SHCBP1L: variants seen among roughly 807,000 people sequenced by gnomAD.
The protein encoded by SHCBP1L is SHC binding and spindle associated 1 like, also known as testicular spindle-associated protein SHCBP1L.
Under a neutral mutation model 62.5 loss-of-function variants are expected in SHCBP1L, and 67 were observed. The observed-to-expected ratio is 1.07, with a 90% confidence interval of 0.88 to 1.31. SHCBP1L has a LOEUF of 1.31. Ranked by LOEUF, SHCBP1L falls within the 40% of genes most tolerant of loss-of-function variation. The probability of loss-of-function intolerance (pLI) is 0.00; values close to 1 mark genes in which losing one functional copy is unlikely to be tolerated. For missense variants in SHCBP1L, 823 were observed against 809.8 expected, an observed-to-expected ratio of 1.02 and a Z score of -0.20; for synonymous variants, 284 against 289.4, an observed-to-expected ratio of 0.98 and a Z score of 0.19.
At chr1:182,919,187 G>A (rs1463259561) in intron 6 of SHCBP1L, among the ~76,000 whole-genome samples, 2 of 152,230 alleles carry the variant, frequency 1.3e-5, no homozygotes, top group Non-Finnish European at 2.9e-5. Context: ...GAATGCTACA[G>A]ACTGTGTAAT....
intron 5 of SHCBP1L, among the ~76,000 whole-genome samples, chr1:182,931,943 ATTTTTTTTTTTT>A (rs1164377476): frequency 8.6e-5 from 6 of 69,678 alleles, no homozygotes; most frequent in Admixed American, 1.7e-4. Context: ...GGAACCACTG[ATTTTTTTTTTTT>A]TTTTTTTTTT....
intron 5 of SHCBP1L, among the ~76,000 whole-genome samples, chr1:182,935,415 C>T (rs1412620329): frequency 6.6e-6 from 1 of 152,014 alleles, no homozygotes; most frequent in African/African-American, 2.4e-5. Context: ...ATTTTTGGTT[C>T]TATTGTCAAT....
chr1:182,902,667 C>T (rs1015137519), intron 9 of SHCBP1L, among the ~76,000 whole-genome samples: 1 of 152,100 alleles, frequency 6.6e-6, no homozygotes, highest in African/African-American at 2.4e-5. Flanking sequence ...TCATTTAACA[C>T]AACTTTGAAA....
chr1:182,900,523 C>G (rs1649799101), intron 9 of SHCBP1L, among the ~76,000 whole-genome samples: 1 of 152,132 alleles, frequency 6.6e-6, no homozygotes, highest in African/African-American at 2.4e-5. Flanking sequence ...ACCTCCGCCT[C>G]CCGGTTCAAG....
rs13373887 is a variant in SHCBP1L, at chr1:182,952,868, G to T, written c.266C>A (p.Ala89Glu). The change falls in exon 1 of 10, where the codon GCG becomes GAG. Residue 89 changes from alanine (A) to glutamate (E), a missense_variant. Ala to Glu is a moderately radical substitution (Grantham distance 107, BLOSUM62 -1). Transcript: ENST00000367547. The part of the protein sequence containing the change: ...EDTGEAAAAA[A>E]EEPLLPVPED... ...AGGCACTGGCAGCAGGGGCTCCTCC[G>T]CCGCCGCCGCCGCCGCCTCTCCCGT... The T allele has an allele frequency of 8.0e-3, 12,436 of 1,552,660 alleles. 587 individuals are homozygous for T. In the African/African-American group the frequency reaches 0.13, roughly 16 times the overall value.
chr1:182,927,661 G>A (rs1650818751), intron 6 of SHCBP1L, among the ~76,000 whole-genome samples: 1 of 122,296 alleles, frequency 8.2e-6, no homozygotes, highest in Non-Finnish European at 1.6e-5. Context: ...GACAGAGCGA[G>A]ACTCCGTCTC....
intron 6 of SHCBP1L, among the ~76,000 whole-genome samples, chr1:182,929,235 T>A: frequency 1.3e-5 from 2 of 152,336 alleles, no homozygotes; most frequent in Middle Eastern, 6.8e-3. Flanking sequence ...GTACCCATTC[T>A]ACATGTACCG....
chr1:182,952,694 T>C (rs750620153), intron 1 of SHCBP1L, 35 bp downstream of exon 1: 1 of 1,556,752 alleles, frequency 6.4e-7, no homozygotes, highest in East Asian at 2.3e-5. Flanking sequence ...CCGACGAGCT[T>C]CCGACCGTAG....
chr1:182,907,635 A>G (rs1159812937), intron 6 of SHCBP1L, among the ~76,000 whole-genome samples: 1 of 151,618 alleles, frequency 6.6e-6, no homozygotes, highest in Non-Finnish European at 1.5e-5. Flanking sequence ...CCCAGGCTGG[A>G]GTGCAGTGGC....
intron 5 of SHCBP1L, among the ~76,000 whole-genome samples, chr1:182,931,617 G>A (rs1650997330): frequency 6.6e-6 from 1 of 151,930 alleles, no homozygotes; most frequent in Admixed American, 6.6e-5. Context: ...TTATTTTTCA[G>A]AGCAGTTTCA....
chr1:182,951,538 T>G (rs1350784244), intron 1 of SHCBP1L, 71 bp from the exon 2 acceptor site: 1 of 1,097,876 alleles, frequency 9.1e-7, no homozygotes, highest in Non-Finnish European at 1.2e-6. Flanking sequence ...TGGTTTTTTT[T>G]TTTTTTACTG....
chr1:182,939,234 A>AT lies in SHCBP1L; in HGVS notation c.1017dup (p.Tyr340IlefsTer3), dbSNP rs756742767. 1 of 1,613,782 alleles carries AT rather than the reference A, an allele frequency of 6.2e-7. No individual in the cohort carries two copies. The highest frequency in any genetic ancestry group is 1.3e-5 in the African/African-American group (1 of 74,882). On this transcript the variant is annotated frameshift_variant, in exon 5 of 10. Coordinates refer to ENST00000367547, the MANE Select transcript of SHCBP1L (RefSeq NM_030933.4). LOFTEE classifies it high-confidence loss of function. ...CCACAGAGCATGACTATCTCATAGT[A>AT]TTTTTTCCAGCATTCAACAGCCTCT...
At chr1:182,912,622 A>T (rs2101925545) in intron 6 of SHCBP1L, among the ~76,000 whole-genome samples, 1 of 151,868 alleles carries the variant, frequency 6.6e-6, no homozygotes, top group Middle Eastern at 3.4e-3. Context: ...TCCTGGGTTC[A>T]AGTGATTCTC....
At chr1:182,919,682 G>A (rs1650468944) in intron 6 of SHCBP1L, among the ~76,000 whole-genome samples, 1 of 152,136 alleles carries the variant, frequency 6.6e-6, no homozygotes. Flanking sequence ...GCAGGTCAAT[G>A]GGTCAAAGCT....
intron 6 of SHCBP1L, among the ~76,000 whole-genome samples, chr1:182,916,342 C>CGATA (rs1650355219): frequency 6.6e-6 from 1 of 151,734 alleles, no homozygotes; most frequent in Non-Finnish European, 1.5e-5. Context: ...AAACCCAAAG[C>CGATA]CAACAGTAAA....
intron 2 of SHCBP1L, among the ~76,000 whole-genome samples, chr1:182,947,011 T>C (rs1212950031): frequency 6.6e-6 from 1 of 151,946 alleles, no homozygotes; most frequent in Non-Finnish European, 1.5e-5. Context: ...CTGAGGCAGG[T>C]GGATCACCTG....
intron 6 of SHCBP1L, among the ~76,000 whole-genome samples, chr1:182,924,531 C>T (rs12062187): frequency 0.04 from 5,995 of 151,216 alleles, 296 homozygotes; most frequent in African/African-American, 0.11. Context: ...CTCCTGACCT[C>T]GTGATCCTCC....
chr1:182,906,781 G>A (rs148888997), intron 6 of SHCBP1L, among the ~76,000 whole-genome samples: 168 of 152,126 alleles, frequency 1.1e-3, no homozygotes, highest in Admixed American at 1.8e-3. Flanking sequence ...TAGAAAAGAG[G>A]AGATAAATTT....
rs1651105242 is a variant in SHCBP1L, at chr1:182,934,471, TTCTG to T, written c.1076+4701_1076+4704del. Among the ~76,000 whole-genome samples, 9 of 152,282 alleles carry T rather than the reference TTCTG, an allele frequency of 5.9e-5. No individual in the cohort carries two copies. In the South Asian group the frequency reaches 1.7e-3, roughly 28 times the overall value. On this transcript the variant is annotated intron_variant, in intron 5 of 9. Transcript: ENST00000367547. Reference sequence around the variant, plus strand: ...GTTGAGCATCTCTTTATATGCTTTTTTCTGTCTGTGTGTCTTCTTCGGTAAGGTG... The same window carrying T: ...GTTGAGCATCTCTTTATATGCTTTTTTCTGTGTGTCTTCTTCGGTAAGGTG...
Sources: allele counts gnomAD v4.1 joint callset (sites outside exome capture counted in the v4.1 genomes callset), GRCh38; gene constraint gnomAD v4.1.1; transcripts MANE v1.5; gene names NCBI Gene and HGNC (gene_info 2026-07-23, HGNC 2026-07-21).